The following MYT1 variants were observed in gnomAD, a reference collection of about 807,000 sequenced individuals.
MYT1 encodes the protein myelin transcription factor I.
A neutral mutation model predicts 123.0 loss-of-function variants in MYT1; 23 were observed. The observed-to-expected ratio is 0.19, with a 90% CI of 0.13 to 0.26. MYT1 has a LOEUF of 0.26. Ranked by LOEUF, MYT1 falls within the 10% of genes least tolerant of loss-of-function variation. The pLI is 1.00. For missense variants in MYT1, 1,125 were observed against 1,472.5 expected, an observed-to-expected ratio of 0.76 and a Z score of 3.86; for synonymous variants, 518 against 575.3, an observed-to-expected ratio of 0.90 and a Z score of 1.43.
At chr20:64,201,734 C>T (rs1296092230) in intron 4 of MYT1, among the ~76,000 whole-genome samples, 3 of 152,220 alleles carry the variant, frequency 2.0e-5, no homozygotes, top group Non-Finnish European at 4.4e-5. Context: ...GACAAGCAGA[C>T]GAGACCTCTG....
chr20:64,172,196 G>C (rs1982304439), intron 1 of MYT1, among the ~76,000 whole-genome samples: 1 of 152,100 alleles, frequency 6.6e-6, no homozygotes, highest in Non-Finnish European at 1.5e-5. Context: ...ATTTTTCTAA[G>C]CCTGTAGAGC....
At position 64,199,832 on chromosome 20, in the gene MYT1, G is replaced by A. The variant is rs1983240150; in HGVS notation, c.56-60G>A. Reference sequence around the variant, plus strand: ...GTTTAACTTAGTTTATGCTGTTAGGGCAATGAGCCTTTAAAATCACAATTC... The same window carrying A: ...GTTTAACTTAGTTTATGCTGTTAGGACAATGAGCCTTTAAAATCACAATTC... On this transcript the variant is annotated intron_variant, in intron 3 of 22. Transcript: ENST00000328439. The A allele has an allele frequency of 5.7e-6, 9 of 1,569,716 alleles. No individual in the cohort carries two copies. In the South Asian group the frequency reaches 1.0e-4, roughly 17 times the overall value.
At chr20:64,206,654 G>A (rs1400387684) in intron 6 of MYT1, among the ~76,000 whole-genome samples, 1 of 152,204 alleles carries the variant, frequency 6.6e-6, no homozygotes, top group African/African-American at 2.4e-5. Context: ...GCTCCCTTGG[G>A]GGGCTCTGGA....
At position 64,227,786 on chromosome 20, in the gene MYT1, C is replaced by A. The variant is rs1321806606; in HGVS notation, c.2592-102C>A. 4 of 996,406 alleles carry A rather than the reference C, an allele frequency of 4.0e-6. No homozygotes were observed. The African/African-American group carries it at 6.5e-5, about 16-fold the overall frequency. 61.7% of individuals were successfully genotyped at this position (996,406 alleles called of 1,614,324 possible). On this transcript the variant is annotated intron_variant, in intron 17 of 22. Coordinates refer to ENST00000328439, the MANE Select transcript of MYT1 (RefSeq NM_004535.3). ...CGGTTGCCCTCACTCCCTCCCACCC[C>A]ACCCTGGGGTCACAGAGCTTGAGGG...
chr20:64,232,362 T>C lies in MYT1; in HGVS notation c.2874T>C (p.Asn958=). The change falls in exon 19 of 23, where the codon AAT becomes AAC. Residue 958 remains asparagine (N), a synonymous_variant. Transcript: ENST00000328439. This position sits in a 1 kb window ranked among gnomAD's most constrained non-coding sequence, Gnocchi z 6.9. The part of the protein sequence containing the change: ...TPGCDGSGHA[N]GSFLTHRSLS... Reference sequence around the variant, plus strand: ...GCTGTGACGGCTCTGGCCACGCCAATGGGAGTTTCCTCACCCACCGGAGGT... The same window carrying C: ...GCTGTGACGGCTCTGGCCACGCCAACGGGAGTTTCCTCACCCACCGGAGGT... The C allele has an allele frequency of 6.2e-7, 1 of 1,612,970 alleles. No individual in the cohort carries two copies. The highest frequency in any genetic ancestry group is 8.5e-7 in the Non-Finnish European group (1 of 1,179,974).
chr20:64,237,533 G>A lies in MYT1; in HGVS notation c.3093+143G>A, dbSNP rs1984588019. 1.4e-5 allele frequency: 9 copies of A among 655,486 alleles called. No individual in the cohort carries two copies. The East Asian group carries it at 2.5e-4, about 18-fold the overall frequency. 40.6% of individuals were successfully genotyped at this position (655,486 alleles called of 1,614,324 possible). A position where few individuals can be genotyped will look rare whatever the true frequency, so the allele number is the denominator to read the frequency against. Reference sequence around the variant, plus strand: ...GGACAGCGCAGTGGCTGGCACACAGGCACACTTAGGACGTGCTGGCCGCTC... The same window carrying A: ...GGACAGCGCAGTGGCTGGCACACAGACACACTTAGGACGTGCTGGCCGCTC... On this transcript the variant is annotated intron_variant, in intron 21 of 22. Coordinates refer to ENST00000328439, the MANE Select transcript of MYT1 (RefSeq NM_004535.3).
intron 19 of MYT1, among the ~76,000 whole-genome samples, chr20:64,235,752 T>G (rs1984508049): frequency 8.2e-6 from 1 of 122,676 alleles, no homozygotes; most frequent in Non-Finnish European, 1.7e-5. Context: ...TGGGTGACCC[T>G]TGGATGGCTG....
intron 1 of MYT1, among the ~76,000 whole-genome samples, chr20:64,173,309 C>T (rs2145690111): frequency 6.6e-6 from 1 of 152,258 alleles, no homozygotes; most frequent in African/African-American, 2.4e-5. Flanking sequence ...CAGTCACAGA[C>T]AGAGGTGGGC....
rs3003148 is a variant in MYT1, at chr20:64,239,656, G to A, written c.3094-104G>A. 0.11 allele frequency: 167,733 copies of A among 1,517,684 alleles called. 10,305 individuals carry two copies. The highest frequency in any genetic ancestry group is 0.19 in the Middle Eastern group (1,012 of 5,340). 94.0% of individuals were successfully genotyped at this position (1,517,684 alleles called of 1,614,324 possible). ...GGTCCCTGCCTCTTCCCCCACCCCA[G>A]GGTTCTGCATTCTCCCAGAGGGTTG... On this transcript the variant is annotated intron_variant, in intron 21 of 22. Coordinates refer to ENST00000328439, the MANE Select transcript of MYT1 (RefSeq NM_004535.3).
intron 7 of MYT1, among the ~76,000 whole-genome samples, chr20:64,209,045 G>A (rs1983585165): frequency 6.6e-6 from 1 of 152,282 alleles, no homozygotes; most frequent in South Asian, 2.1e-4. Context: ...CTGATCGCAC[G>A]GAGTGGCTGA....
chr20:64,221,432 G>A (rs113928250), intron 13 of MYT1, among the ~76,000 whole-genome samples: 6 of 152,334 alleles, frequency 3.9e-5, no homozygotes, highest in African/African-American at 7.2e-5. Context: ...AGGTGGTTTC[G>A]AGGTTACTGC....
rs1468970930 is a variant in MYT1, at chr20:64,205,058, G to A, written c.110G>A (p.Gly37Asp). 2 of 1,613,932 alleles carry A rather than the reference G, an allele frequency of 1.2e-6. No individual in the cohort carries two copies. The highest frequency in any genetic ancestry group is 4.5e-5 in the East Asian group (2 of 44,892). Reference sequence around the variant, plus strand: ...AGCTGCCCCACCCCAGGATGCACAGGCTCAGGGCACGTCCGGGGCAAGTAC... The same window carrying A: ...AGCTGCCCCACCCCAGGATGCACAGACTCAGGGCACGTCCGGGGCAAGTAC... ...DLSCPTPGCT[G>D]SGHVRGKYSR... The change falls in exon 5 of 23, where the codon GGC becomes GAC. Residue 37 changes from glycine (G) to aspartate (D), a missense_variant. By Grantham distance (94) the Gly-to-Asp change is moderately conservative. This residue lies in a region of MYT1 where 406 missense variants were observed against 432.2 expected (regional missense o/e 0.94). Transcript: ENST00000328439.
At chr20:64,169,061 G>A (rs1448076926) in intron 1 of MYT1, among the ~76,000 whole-genome samples, 1 of 152,180 alleles carries the variant, frequency 6.6e-6, no homozygotes, top group African/African-American at 2.4e-5. Context: ...GAGGAGGAGC[G>A]TGAGAAGAGG....
In MYT1 at chr20:64,237,296, A is replaced by G; in HGVS notation, c.2999A>G (p.Asn1000Ser). ...PKFKTSDVLE[N>S]DEEIKQLNQE... ...TTTCTCTCTGGGTCAGTGTTGGAGA[A>G]TGATGAGGAGATCAAGCAGCTGAAC... Residue 1000 changes from asparagine (N) to serine (S), a missense_variant, in exon 21 of 23, where the codon AAT (asparagine) becomes AGT (serine). Physicochemically the swap from Asn to Ser is conservative, Grantham distance 46. This residue lies in a region of MYT1 where 243 missense variants were observed against 323.1 expected (regional missense o/e 0.75). Coordinates refer to ENST00000328439, the MANE Select transcript of MYT1 (RefSeq NM_004535.3). 6.2e-7 allele frequency: 1 copy of G among 1,610,912 alleles called. No individual in the cohort carries two copies. The highest frequency in any genetic ancestry group is 8.5e-7 in the Non-Finnish European group (1 of 1,179,226).
In MYT1 at chr20:64,207,176, G is replaced by C. The variant is rs550688816; in HGVS notation, c.398-418G>C. ...TGGGATTACAGGCATGAGCCACCGA[G>C]CCCATTCTTATTTACTGATTTTCAA... On this transcript the variant is annotated intron_variant, in intron 6 of 22. Transcript: ENST00000328439. 2.0e-5 allele frequency among the ~76,000 whole-genome samples: 3 copies of C among 152,294 alleles called. No individual in the cohort carries two copies. The East Asian group carries it at 5.8e-4, about 29-fold the overall frequency.
At chr20:64,221,631 C>T (rs1003436977) in intron 13 of MYT1, among the ~76,000 whole-genome samples, 1 of 152,202 alleles carries the variant, frequency 6.6e-6, no homozygotes, top group African/African-American at 2.4e-5. Flanking sequence ...GAGCCTGCCA[C>T]ACTGGGCAGC....
Position 64,191,862 on chromosome 20 carries a change from A to C in MYT1, c.-1+1702A>C, listed in dbSNP as rs1568703016. On this transcript the variant is annotated intron_variant, in intron 2 of 22. Coordinates refer to ENST00000328439, the MANE Select transcript of MYT1 (RefSeq NM_004535.3). This position sits in a 1 kb window ranked among gnomAD's most constrained non-coding sequence, Gnocchi z 4.1. Reference sequence around the variant, plus strand: ...ATCATGTTGATGTTTCTAAATATTGAATTAAAATATTATTTATCTTGATCA... The same window carrying C: ...ATCATGTTGATGTTTCTAAATATTGCATTAAAATATTATTTATCTTGATCA... 6.6e-6 allele frequency: 1 copy of C among 152,134 alleles called. No individual in the cohort carries two copies. Among genetic ancestry groups the C allele is most frequent in the Non-Finnish European group, 1.5e-5 (1 of 68,040 alleles). The allele number at this position is 152,134 out of a possible 1,614,324, so 9.4% of individuals were successfully genotyped here. A position where few individuals can be genotyped will look rare whatever the true frequency, so the allele number is the denominator to read the frequency against.
At chr20:64,173,698 CT>C (rs1569304693) in intron 1 of MYT1, among the ~76,000 whole-genome samples, 1 of 63,496 alleles carries the variant, frequency 1.6e-5, no homozygotes, top group Non-Finnish European at 2.9e-5. Context: ...AGCATCTTTC[CT>C]TGTAGTTGTG....
In MYT1 at chr20:64,185,629, G is replaced by A. The variant is rs544430742; in HGVS notation, c.-98-4434G>A. On this transcript the variant is annotated intron_variant, in intron 1 of 22. Coordinates refer to ENST00000328439, the MANE Select transcript of MYT1 (RefSeq NM_004535.3). This position sits in a 1 kb window ranked among gnomAD's most constrained non-coding sequence, Gnocchi z 4.5. ...CTAACTGCCACAGGGACTCCCATCC[G>A]GAGGCCCAGGGGATGCACCATGGGG... Among the ~76,000 whole-genome samples the A allele has an allele frequency of 5.3e-4, 81 of 152,302 alleles. No individual in the cohort carries two copies. The highest frequency in any genetic ancestry group is 1.9e-3 in the African/African-American group (78 of 41,564).
Sources: gnomAD v4.1 joint callset for allele counts (sites outside exome capture counted in the v4.1 genomes callset) on GRCh38, gnomAD v4.1.1 for gene constraint, gnomAD v4.1.1 regional missense constraint, Gnocchi (gnomAD v3.1) non-coding constraint, MANE v1.5 for transcripts, NCBI Gene and HGNC (gene_info 2026-07-23, HGNC 2026-07-21) for gene names.